Variants in GRM7 observed in about 807,000 individuals in gnomAD.
GRM7 encodes the protein metabotropic glutamate receptor 7.
GRM7 carries 35 observed loss-of-function variants against 84.5 expected under a neutral mutation model. That is an observed-to-expected ratio of 0.41 (90% CI 0.32 to 0.55). The LOEUF (loss-of-function observed/expected upper bound fraction) is 0.55. Among genes scored for constraint, GRM7 ranks in the 20% least tolerant of loss-of-function variants. GRM7 has a pLI of 0.19. For missense variants in GRM7, 1,003 were observed against 1,194.6 expected, an observed-to-expected ratio of 0.84 and a Z score of 2.36; for synonymous variants, 487 against 455.1, an observed-to-expected ratio of 1.07 and a Z score of -0.89.
At chr3:7,604,857 C>G (rs1461124726) in intron 8 of GRM7, among the ~76,000 whole-genome samples, 1 of 152,130 alleles carries the variant, frequency 6.6e-6, no homozygotes, top group Non-Finnish European at 1.5e-5. Context: ...TTGCAAATGT[C>G]TCATTTCAGT....
chr3:7,089,314 G>A (rs777100304), intron 1 of GRM7, among the ~76,000 whole-genome samples: 32 of 152,154 alleles, frequency 2.1e-4, no homozygotes, highest in Non-Finnish European at 3.5e-4. Context: ...ATAATATTAT[G>A]TAATTTTCTT....
chr3:7,187,741 G>C (rs1474622261), intron 2 of GRM7, among the ~76,000 whole-genome samples: 1 of 152,128 alleles, frequency 6.6e-6, no homozygotes, highest in Admixed American at 6.6e-5. Flanking sequence ...GGGGTCATTG[G>C]GTCATTGACA....
At chr3:7,325,294 G>A (rs1315604111) in intron 4 of GRM7, among the ~76,000 whole-genome samples, 1 of 152,126 alleles carries the variant, frequency 6.6e-6, no homozygotes, top group Non-Finnish European at 1.5e-5. Context: ...ATTATTTTGT[G>A]AACAAAAATA....
chr3:7,333,001 C>T (rs1487067016), intron 4 of GRM7, among the ~76,000 whole-genome samples: 1 of 152,228 alleles, frequency 6.6e-6, no homozygotes, highest in African/African-American at 2.4e-5. Flanking sequence ...CCTTCTACTA[C>T]CATAGCTGGT....
intron 1 of GRM7, among the ~76,000 whole-genome samples, chr3:6,964,811 C>A (rs1693450813): frequency 6.6e-6 from 1 of 152,204 alleles, no homozygotes; most frequent in South Asian, 2.1e-4. Flanking sequence ...AGCTGCCCCT[C>A]CAGATTTCTT....
At chr3:7,370,391 C>T (rs1694081997) in intron 4 of GRM7, among the ~76,000 whole-genome samples, 1 of 152,102 alleles carries the variant, frequency 6.6e-6, no homozygotes, top group Non-Finnish European at 1.5e-5. Flanking sequence ...ACCCAAATCT[C>T]ATCTTGAATT....
intron 2 of GRM7, among the ~76,000 whole-genome samples, chr3:7,153,758 A>G (rs1694360342): frequency 6.6e-6 from 1 of 152,148 alleles, no homozygotes; most frequent in African/African-American, 2.4e-5. Flanking sequence ...CCTTCTTTAT[A>G]GCAGGTACTA....
chr3:7,453,314 A>G (rs1391658163), intron 6 of GRM7, among the ~76,000 whole-genome samples: 2 of 152,032 alleles, frequency 1.3e-5, no homozygotes, highest in Non-Finnish European at 2.9e-5. Context: ...TCTATCTGGC[A>G]TGCTGTGAAA....
At chr3:7,133,368 A>G (rs1693666831) in intron 1 of GRM7, among the ~76,000 whole-genome samples, 1 of 152,192 alleles carries the variant, frequency 6.6e-6, no homozygotes, top group African/African-American at 2.4e-5. Flanking sequence ...CCACGCACAC[A>G]TGAGGTGATA....
intron 9 of GRM7, among the ~76,000 whole-genome samples, chr3:7,728,374 A>G (rs79906336): frequency 0.011 from 1,645 of 152,326 alleles, 31 homozygotes; most frequent in African/African-American, 0.027. Flanking sequence ...GTTTCAAACT[A>G]TATACCTACA....
intron 3 of GRM7, among the ~76,000 whole-genome samples, chr3:7,299,107 T>C (rs955280517): frequency 6.6e-6 from 1 of 152,226 alleles, no homozygotes; most frequent in African/African-American, 2.4e-5. Flanking sequence ...TTTCCAAATA[T>C]ATTAATAACA....
At chr3:7,171,999 G>A (rs957258132) in intron 2 of GRM7, among the ~76,000 whole-genome samples, 3 of 152,130 alleles carry the variant, frequency 2.0e-5, no homozygotes, top group African/African-American at 4.8e-5. Flanking sequence ...ACATAATCTC[G>A]CTAGAAATAT....
intron 2 of GRM7, among the ~76,000 whole-genome samples, chr3:7,148,043 A>T (rs1694165160): frequency 6.6e-6 from 1 of 152,148 alleles, no homozygotes; most frequent in African/African-American, 2.4e-5. Context: ...CAGGTGCTAC[A>T]TTCCTAAAGG....
chr3:7,273,410 A>G (rs1338927297), intron 2 of GRM7, among the ~76,000 whole-genome samples: 1 of 152,094 alleles, frequency 6.6e-6, no homozygotes, highest in Non-Finnish European at 1.5e-5. Context: ...TGTCCTCACT[A>G]ATTTTCTGCC....
chr3:6,996,772 C>T lies in GRM7; in HGVS notation c.519+134865C>T, dbSNP rs576230464. 2.0e-3 allele frequency among the ~76,000 whole-genome samples: 308 copies of T among 152,230 alleles called. 1 individual carries two copies. Among genetic ancestry groups the T allele is most frequent in the South Asian group, 3.5e-3 (17 of 4,828 alleles). Reference sequence around the variant, plus strand: ...ATTCATGTTGCTGATTTCTTTCTTCCTGTAAACAGAAACCTGAGCCAAGGA... The same window carrying T: ...ATTCATGTTGCTGATTTCTTTCTTCTTGTAAACAGAAACCTGAGCCAAGGA... On this transcript the variant is annotated intron_variant, in intron 1 of 9. Transcript: ENST00000357716.
chr3:7,385,683 G>A (rs1694760228), intron 4 of GRM7, among the ~76,000 whole-genome samples: 1 of 152,088 alleles, frequency 6.6e-6, no homozygotes, highest in African/African-American at 2.4e-5. Context: ...TTGGCAAAGT[G>A]GAATATAGAA....
chr3:7,528,682 T>G (rs1348993603), intron 7 of GRM7, among the ~76,000 whole-genome samples: 1 of 152,136 alleles, frequency 6.6e-6, no homozygotes, highest in East Asian at 1.9e-4. Context: ...AACACTGCTT[T>G]TGCTACATAT....
At chr3:7,300,212 G>C (rs1336377545) in intron 3 of GRM7, among the ~76,000 whole-genome samples, 1 of 152,038 alleles carries the variant, frequency 6.6e-6, no homozygotes, top group Non-Finnish European at 1.5e-5. Context: ...TTTTATTCAG[G>C]GTAAAGGTTT....
chr3:7,439,602 T>C (rs1174642281), intron 5 of GRM7, among the ~76,000 whole-genome samples: 2 of 152,164 alleles, frequency 1.3e-5, no homozygotes, highest in African/African-American at 4.8e-5. Context: ...AGTCAAGACA[T>C]ACAGGGGTTA....
Sources: gnomAD v4.1 joint callset for allele counts (sites outside exome capture counted in the v4.1 genomes callset) on GRCh38, gnomAD v4.1.1 for gene constraint, MANE v1.5 for transcripts, NCBI Gene and HGNC (gene_info 2026-07-23, HGNC 2026-07-21) for gene names.